RALGAPA2: variants seen among roughly 807,000 people sequenced by gnomAD.
RALGAPA2 encodes the protein ral GTPase-activating protein subunit alpha-2.
In RALGAPA2, 139 loss-of-function variants were observed where a neutral mutation model predicts 230.4. That is an observed-to-expected ratio of 0.60 (90% confidence interval 0.53 to 0.69). RALGAPA2 has a LOEUF of 0.69. Ranked by LOEUF, RALGAPA2 falls within the 30% of genes least tolerant of loss-of-function variation. The pLI is 0.00. For missense variants in RALGAPA2, 2,163 were observed against 2,276.0 expected, an observed-to-expected ratio of 0.95 and a Z score of 1.01; for synonymous variants, 847 against 837.8, an observed-to-expected ratio of 1.01 and a Z score of -0.19.
At chr20:20,707,131 T>C (rs1326749080) in intron 1 of RALGAPA2, among the ~76,000 whole-genome samples, 1 of 152,128 alleles carries the variant, frequency 6.6e-6, no homozygotes, top group East Asian at 1.9e-4. Context: ...TCTCACTCTG[T>C]AGATGACACT....
chr20:20,684,036 T>C lies in RALGAPA2; in HGVS notation c.107-3235A>G, dbSNP rs148790681. 9.8e-5 allele frequency among the ~76,000 whole-genome samples: 15 copies of C among 152,288 alleles called. No individual in the cohort carries two copies. The East Asian group carries it at 2.9e-3, about 29-fold the overall frequency. Reference sequence around the variant, plus strand: ...GCTAAAGCACTACTTTGGAACAGTCTAACAGACACTCTCTGACTCTCCCTG... The same window carrying C: ...GCTAAAGCACTACTTTGGAACAGTCCAACAGACACTCTCTGACTCTCCCTG... On this transcript the variant is annotated intron_variant, in intron 1 of 39. Coordinates refer to ENST00000202677, the MANE Select transcript of RALGAPA2 (RefSeq NM_020343.4).
At chr20:20,515,793 G>A (rs1184611614) in intron 31 of RALGAPA2, among the ~76,000 whole-genome samples, 1 of 151,000 alleles carries the variant, frequency 6.6e-6, no homozygotes, top group Non-Finnish European at 1.5e-5. Context: ...ACTGAATTTC[G>A]TGATATAATC....
At chr20:20,516,155 C>T (rs1181884685) in intron 31 of RALGAPA2, among the ~76,000 whole-genome samples, 1 of 152,200 alleles carries the variant, frequency 6.6e-6, no homozygotes, top group Non-Finnish European at 1.5e-5. Flanking sequence ...CACCCCCTGA[C>T]CCTCAAAGGA....
chr20:20,593,289 A>G lies in RALGAPA2; in HGVS notation c.2204-1975T>C, dbSNP rs577169712. Among the ~76,000 whole-genome samples, 3 of 152,360 alleles carry G rather than the reference A, an allele frequency of 2.0e-5. No individual in the cohort carries two copies. The East Asian group carries it at 5.8e-4, about 29-fold the overall frequency. ...GTAGCAAGAAAAGACAGCTATGTTA[A>G]AGCCTCATGTTTCCCAGGTTGTCTT... On this transcript the variant is annotated intron_variant, in intron 16 of 39. Transcript: ENST00000202677.
chr20:20,653,499 A>G (rs2067482309), intron 4 of RALGAPA2, 31 bp downstream of exon 4: 1 of 1,220,582 alleles, frequency 8.2e-7, no homozygotes, highest in African/African-American at 1.5e-5. Flanking sequence ...GAAGAAATTC[A>G]TATTACTAAA....
intron 2 of RALGAPA2, among the ~76,000 whole-genome samples, chr20:20,677,457 C>T (rs2068368878): frequency 6.6e-6 from 1 of 151,904 alleles, no homozygotes; most frequent in Non-Finnish European, 1.5e-5. Context: ...AGTCAGAAAA[C>T]AGTCAGAGGC....
intron 10 of RALGAPA2, among the ~76,000 whole-genome samples, chr20:20,629,141 T>C (rs2066585884): frequency 1.3e-5 from 2 of 152,212 alleles, no homozygotes; most frequent in Non-Finnish European, 2.9e-5. Flanking sequence ...TCCCTCCTTG[T>C]GTAAATATTT....
intron 2 of RALGAPA2, 94 bp downstream of exon 2, chr20:20,680,597 G>GA: frequency 4.3e-6 from 6 of 1,404,134 alleles, no homozygotes; most frequent in Non-Finnish European, 5.6e-6. Context: ...TGGCAAGAAA[G>GA]AAAGCTTAAA....
intron 37 of RALGAPA2, among the ~76,000 whole-genome samples, chr20:20,457,764 T>A (rs2061156298): frequency 6.6e-6 from 1 of 152,278 alleles, no homozygotes; most frequent in East Asian, 1.9e-4. Context: ...GTGAATTACA[T>A]AGTAACTGAG....
intron 31 of RALGAPA2, among the ~76,000 whole-genome samples, chr20:20,518,960 G>C (rs987063709): frequency 6.6e-6 from 1 of 152,156 alleles, no homozygotes; most frequent in African/African-American, 2.4e-5. Context: ...GGGGGAAAAA[G>C]TAAAGCAGAC....
chr20:20,707,369 C>G (rs1196008939), intron 1 of RALGAPA2, among the ~76,000 whole-genome samples: 1 of 151,508 alleles, frequency 6.6e-6, no homozygotes, highest in Admixed American at 6.6e-5. Flanking sequence ...ATGTTTACTG[C>G]AGTATTACTT....
chr20:20,431,401 C>T (rs939821111), intron 37 of RALGAPA2, among the ~76,000 whole-genome samples: 1 of 152,156 alleles, frequency 6.6e-6, no homozygotes, highest in African/African-American at 2.4e-5. Context: ...GTACAGAAAG[C>T]CCTGGACACA....
At chr20:20,473,135 C>T (rs1366862201) in intron 36 of RALGAPA2, among the ~76,000 whole-genome samples, 179 bp from the exon 37 acceptor site, 3 of 152,148 alleles carry the variant, frequency 2.0e-5, no homozygotes, top group African/African-American at 7.2e-5. Context: ...GCAGGACTGC[C>T]CCACAATGCT....
intron 23 of RALGAPA2, among the ~76,000 whole-genome samples, chr20:20,548,192 A>G (rs1441249347): frequency 6.6e-6 from 1 of 152,116 alleles, no homozygotes; most frequent in African/African-American, 2.4e-5. Context: ...ATGGTTATCT[A>G]AAAAATCCTT....
chr20:20,411,765 C>A (rs369953249), intron 38 of RALGAPA2, among the ~76,000 whole-genome samples: 1 of 152,150 alleles, frequency 6.6e-6, no homozygotes. Flanking sequence ...CTGAATGAAC[C>A]GGAGCACATT....
At chr20:20,445,548 T>C (rs1479607780) in intron 37 of RALGAPA2, among the ~76,000 whole-genome samples, 1 of 152,164 alleles carries the variant, frequency 6.6e-6, no homozygotes, top group Admixed American at 6.5e-5. Flanking sequence ...CAAATTCTTG[T>C]TTTTGAAATA....
chr20:20,430,546 A>G (rs2060479611), intron 37 of RALGAPA2, among the ~76,000 whole-genome samples: 1 of 152,230 alleles, frequency 6.6e-6, no homozygotes, highest in Non-Finnish European at 1.5e-5. Context: ...TACATGATGG[A>G]AACTTGCCTC....
In RALGAPA2 at chr20:20,494,913, A is replaced by T. The variant is rs1050217256; in HGVS notation, c.5367+204T>A. 2.0e-5 allele frequency among the ~76,000 whole-genome samples: 3 copies of T among 152,358 alleles called. No individual in the cohort carries two copies. In the East Asian group the frequency reaches 5.8e-4, roughly 29 times the overall value. ...AAGAGGCCTAGTAATACAATAATAC[A>T]ATTTTGTGCTCATGATGAAAAATTC... On this transcript the variant is annotated intron_variant, in intron 36 of 39. Transcript: ENST00000202677.
At position 20,509,253 on chromosome 20, in the gene RALGAPA2, G is replaced by A. The variant is rs1035973117; in HGVS notation, c.4928+2001C>T. On this transcript the variant is annotated intron_variant, in intron 33 of 39. Transcript: ENST00000202677. ...AATCAGGAAACAGAATACAGTGAAGGGCAAGGTGAGAAATGGCAGCTTCAG... is the reference window on the plus strand; with the variant it reads ...AATCAGGAAACAGAATACAGTGAAGAGCAAGGTGAGAAATGGCAGCTTCAG... Among the ~76,000 whole-genome samples, 9 of 152,218 alleles carry A rather than the reference G, an allele frequency of 5.9e-5. No homozygotes were observed. In the East Asian group the frequency reaches 1.7e-3, roughly 29 times the overall value.
Sources: gnomAD v4.1 joint callset for allele counts (sites outside exome capture counted in the v4.1 genomes callset) on GRCh38, gnomAD v4.1.1 for gene constraint, MANE v1.5 for transcripts, NCBI Gene and HGNC (gene_info 2026-07-23, HGNC 2026-07-21) for gene names.